Variants in AP2A2 observed in about 807,000 individuals in gnomAD.
AP2A2 encodes AP-2 complex subunit alpha-2.
Under a neutral mutation model 104.2 loss-of-function variants are expected in AP2A2, and 32 were observed. That is an observed-to-expected ratio of 0.31 (90% CI 0.23 to 0.41). AP2A2 has a LOEUF of 0.41. Ranked by LOEUF, AP2A2 falls within the 10% of genes least tolerant of loss-of-function variation. The pLI is 1.00. For missense variants in AP2A2, 912 were observed against 1,261.0 expected (o/e 0.72, Z 4.19); for synonymous variants, 539 against 533.3 (o/e 1.01, Z -0.15).
chr11:957,246 C>T (rs950636400), intron 1 of AP2A2, among the ~76,000 whole-genome samples: 6 of 152,246 alleles, frequency 3.9e-5, no homozygotes, highest in Admixed American at 6.5e-5. Flanking sequence ...CATGTCCCTC[C>T]AGGGATCCCC....
Position 969,218 on chromosome 11 carries a change from CCCTTTT to C in AP2A2, c.137-950_137-945del, listed in dbSNP as rs1381325035. On this transcript the variant is annotated intron_variant, in intron 2 of 21. Transcript: ENST00000448903. Reference sequence around the variant, plus strand: ...AGAAACTCCTGGCAATGTAGAACAGCCCTTTTTTTTTTTTTTTTTTTTTTTTTTTGA... The same window carrying C: ...AGAAACTCCTGGCAATGTAGAACAGCTTTTTTTTTTTTTTTTTTTTTTTGA... 1.4e-3 allele frequency among the ~76,000 whole-genome samples: 101 copies of C among 74,714 alleles called. 10 individuals carry two copies. Among genetic ancestry groups the C allele is most frequent in the Non-Finnish European group, 2.5e-3 (81 of 32,606 alleles). 49.0% of individuals were successfully genotyped at this position (74,714 alleles called of 152,430 possible). A position where few individuals can be genotyped will look rare whatever the true frequency, so the allele number is the denominator to read the frequency against.
chr11:1,000,760 C>G (rs1295585594), intron 15 of AP2A2, among the ~76,000 whole-genome samples, 162 bp downstream of exon 15: 6 of 152,164 alleles, frequency 3.9e-5, no homozygotes, highest in Non-Finnish European at 1.5e-5. Flanking sequence ...GGTGGGTTTG[C>G]TGTGTCATTC....
rs747354480 is a variant in AP2A2 at position 1,011,389 on chromosome 11, G to C, written c.*764G>C. 2.5e-5 allele frequency: 13 copies of C among 516,252 alleles called. No homozygotes were observed. Among genetic ancestry groups the C allele is most frequent in the Non-Finnish European group, 4.6e-5 (12 of 258,716 alleles). The allele number at this position is 516,252 out of a possible 1,614,324, so 32.0% of individuals were successfully genotyped here. On this transcript the variant is annotated 3_prime_UTR_variant, in exon 22 of 22. Transcript: ENST00000448903. ...CCGGTGGCGCAAGACTCAGAGGTGT[G>C]CTCGTCTCTTTCCTGTCAGAGTGGG...
intron 1 of AP2A2, among the ~76,000 whole-genome samples, chr11:934,144 C>T (rs1255856716): frequency 1.3e-5 from 2 of 152,022 alleles, no homozygotes; most frequent in African/African-American, 2.4e-5. Context: ...GCCCCCACCC[C>T]GATACCTCAG....
intron 3 of AP2A2, among the ~76,000 whole-genome samples, chr11:971,306 T>C (rs1440228113): frequency 6.8e-6 from 1 of 146,276 alleles, no homozygotes; most frequent in Non-Finnish European, 1.5e-5. Context: ...AACTGGGGGC[T>C]GAGGGTGGGA....
chr11:983,971 G>T (rs888483498), intron 6 of AP2A2, among the ~76,000 whole-genome samples: 1 of 152,178 alleles, frequency 6.6e-6, no homozygotes, highest in Non-Finnish European at 1.5e-5. Flanking sequence ...TGCAGTTTAG[G>T]GTAGGAGTCA....
intron 1 of AP2A2, among the ~76,000 whole-genome samples, chr11:953,740 C>G (rs1043968810): frequency 2.6e-5 from 4 of 152,092 alleles, no homozygotes; most frequent in African/African-American, 9.7e-5. Context: ...CTGGTTCTTG[C>G]ATCATGCTCA....
intron 1 of AP2A2, among the ~76,000 whole-genome samples, chr11:955,550 T>C (rs943481257): frequency 6.6e-6 from 1 of 152,104 alleles, no homozygotes; most frequent in African/African-American, 2.4e-5. Context: ...ACAGGAGGTT[T>C]GGGTGTGTCT....
intron 1 of AP2A2, among the ~76,000 whole-genome samples, chr11:931,304 C>T (rs1024196081): frequency 6.6e-6 from 1 of 152,132 alleles, no homozygotes; most frequent in Non-Finnish European, 1.5e-5. Flanking sequence ...TTGGAACTTT[C>T]GTTTGTTTTT....
intron 3 of AP2A2, among the ~76,000 whole-genome samples, chr11:971,365 C>T (rs1049636072): frequency 2.0e-5 from 3 of 152,046 alleles, no homozygotes; most frequent in Non-Finnish European, 2.9e-5. Flanking sequence ...CCTGGGCGTG[C>T]GAGCGCAGGG....
chr11:949,195 GA>G (rs1853953040), intron 1 of AP2A2, among the ~76,000 whole-genome samples: 6 of 151,966 alleles, frequency 3.9e-5, no homozygotes, highest in Admixed American at 3.9e-4. Context: ...AGAATCGCTT[GA>G]AACCGAGAGG....
intron 2 of AP2A2, among the ~76,000 whole-genome samples, chr11:959,885 A>C (rs1854372620): frequency 6.6e-6 from 1 of 152,142 alleles, no homozygotes; most frequent in Non-Finnish European, 1.5e-5. Flanking sequence ...CGCTCGGTGG[A>C]CTGCCTCTCT....
At position 1,009,834 on chromosome 11, in the gene AP2A2, A is replaced by G; in HGVS notation, c.2742+17A>G. The G allele has an allele frequency of 6.5e-7, 1 of 1,535,256 alleles. No individual in the cohort carries two copies. Among genetic ancestry groups the G allele is most frequent in the Non-Finnish European group, 8.8e-7 (1 of 1,133,682 alleles). On this transcript the variant is annotated intron_variant, in intron 21 of 21. Coordinates refer to ENST00000448903, the MANE Select transcript of AP2A2 (RefSeq NM_012305.4). ...CAAGCCCAGGTCAGGCCCTCAGGAA[A>G]TGGTGGAACACACTTGAGTTGCTTT...
At chr11:937,520 A>C (rs1564781082) in intron 1 of AP2A2, among the ~76,000 whole-genome samples, 1 of 151,984 alleles carries the variant, frequency 6.6e-6, no homozygotes, top group Non-Finnish European at 1.5e-5. Flanking sequence ...AGGTGGGAGG[A>C]TCTCTTGAGC....
intron 15 of AP2A2, among the ~76,000 whole-genome samples, 175 bp downstream of exon 15, chr11:1,000,773 C>T (rs929979504): frequency 3.9e-5 from 6 of 152,130 alleles, no homozygotes; most frequent in African/African-American, 1.4e-4. Flanking sequence ...TGTCATTCCT[C>T]TCACAACCTT....
chr11:955,429 C>T (rs537230590), intron 1 of AP2A2, among the ~76,000 whole-genome samples: 136 of 152,204 alleles, frequency 8.9e-4, no homozygotes, highest in Non-Finnish European at 1.7e-3. Flanking sequence ...TGGAGCCGTC[C>T]GCTGGTCAGC....
At chr11:960,597 C>T (rs144592747) in intron 2 of AP2A2, among the ~76,000 whole-genome samples, 477 of 150,886 alleles carry the variant, frequency 3.2e-3, no homozygotes, top group Middle Eastern at 0.01. Context: ...AGGCCGGTCT[C>T]GAACTCCCGA....
chr11:970,349 G>C (rs753930027), intron 3 of AP2A2, 38 bp downstream of exon 3: 1 of 1,605,002 alleles, frequency 6.2e-7, no homozygotes, highest in Non-Finnish European at 8.5e-7. Context: ...AGAGGATGGC[G>C]TGGGCCTGGC....
In AP2A2 at chr11:936,368, C is replaced by T. The variant is rs199771765; in HGVS notation, c.67+10280C>T. On this transcript the variant is annotated intron_variant, in intron 1 of 21. Coordinates refer to ENST00000448903, the MANE Select transcript of AP2A2 (RefSeq NM_012305.4). ...GCTGGGCCTACAGGACATGCCACCA[C>T]ACCTGGCTAATTTTTTAAATAAATA... is the stretch of plus-strand genomic sequence containing the variant. Among the ~76,000 whole-genome samples, 13 of 151,810 alleles carry T rather than the reference C, an allele frequency of 8.6e-5. No homozygotes were observed. In the East Asian group the frequency reaches 2.5e-3, roughly 29 times the overall value.
Sources: gnomAD v4.1 joint callset for allele counts (sites outside exome capture counted in the v4.1 genomes callset) on GRCh38, gnomAD v4.1.1 for gene constraint, MANE v1.5 for transcripts, NCBI Gene and HGNC (gene_info 2026-07-23, HGNC 2026-07-21) for gene names.